SLC35F4: variants seen among roughly 807,000 people sequenced by gnomAD.
The protein encoded by SLC35F4 is solute carrier family 35 member F4.
In SLC35F4, 24 loss-of-function variants were observed where a neutral mutation model predicts 44.2. The ratio of observed to expected loss-of-function variants is 0.54; its 90% CI spans 0.39 to 0.76. The LOEUF (loss-of-function observed/expected upper bound fraction) is 0.76, where lower values mean the gene tolerates loss of function less well. SLC35F4 is among the 30% of genes least tolerant of loss of function. The pLI, the probability that SLC35F4 is intolerant of heterozygous loss-of-function variation, is 0.00. For synonymous variants in SLC35F4, 238 were observed against 223.6 expected (o/e 1.06, Z -0.57); for missense variants, 562 against 586.1 (o/e 0.96, Z 0.42).
chr14:57,974,871 C>T (rs987217531), downstream of SLC35F4, among the ~76,000 whole-genome samples: 2 of 152,180 alleles, frequency 1.3e-5, no homozygotes. Context: ...CATCATTATG[C>T]TTGATGGACC....
At chr14:57,954,664 A>G (rs563774110) in intron 1 of SLC35F4, among the ~76,000 whole-genome samples, 1 of 152,332 alleles carries the variant, frequency 6.6e-6, no homozygotes, top group African/African-American at 2.4e-5. Flanking sequence ...CAAATAAACT[A>G]GAAAATCTAA....
At chr14:57,600,065 A>T (rs2070725434) in intron 1 of SLC35F4, among the ~76,000 whole-genome samples, 1 of 152,186 alleles carries the variant, frequency 6.6e-6, no homozygotes, top group Non-Finnish European at 1.5e-5. Flanking sequence ...TAAAGAAAAG[A>T]CATCCAATAT....
upstream of SLC35F4, among the ~76,000 whole-genome samples, chr14:57,869,173 A>G (rs191517117): frequency 3.0e-4 from 45 of 152,026 alleles, no homozygotes; most frequent in East Asian, 8.0e-3. Context: ...AATTGAGTAT[A>G]CAATTAGGTA....
At chr14:57,786,715 G>A (rs903020826) in intron 1 of SLC35F4, among the ~76,000 whole-genome samples, 1 of 152,150 alleles carries the variant, frequency 6.6e-6, no homozygotes, top group South Asian at 2.1e-4. Flanking sequence ...TAGGAAAACA[G>A]GGAGAGTACT....
intron 1 of SLC35F4, among the ~76,000 whole-genome samples, chr14:57,780,703 A>G (rs1240705746): frequency 6.6e-6 from 1 of 152,170 alleles, no homozygotes; most frequent in Non-Finnish European, 1.5e-5. Context: ...GGATTACAGT[A>G]ACTAAAACAG....
At chr14:57,759,900 T>G (rs1368459796) in intron 1 of SLC35F4, among the ~76,000 whole-genome samples, 1 of 151,562 alleles carries the variant, frequency 6.6e-6, no homozygotes, top group Non-Finnish European at 1.5e-5. Context: ...TTTGTTTGCT[T>G]TTTGCTATCG....
At chr14:57,720,834 T>TCTTTCTC (rs2076066296) in intron 1 of SLC35F4, among the ~76,000 whole-genome samples, 1 of 151,846 alleles carries the variant, frequency 6.6e-6, no homozygotes, top group Non-Finnish European at 1.5e-5. Context: ...CCAGGCTACA[T>TCTTTCTC]CTTTCTCTCA....
chr14:57,655,568 T>C (rs1350102505), intron 1 of SLC35F4, among the ~76,000 whole-genome samples: 1 of 152,052 alleles, frequency 6.6e-6, no homozygotes, highest in East Asian at 1.9e-4. Flanking sequence ...GGGGATGCCA[T>C]TCACAAATGG....
Position 57,660,099 on chromosome 14 carries a change from T to C in SLC35F4, c.104-65975A>G, listed in dbSNP as rs1046901689. ...GATATGTGTTGGTTTGACTTGCATA[T>C]CTATTTGTGAGTGGTTACCAAATAT... On this transcript the variant is annotated intron_variant, in intron 1 of 7. Transcript: ENST00000556826. Among the ~76,000 whole-genome samples, 9 of 152,314 alleles carry C rather than the reference T, an allele frequency of 5.9e-5. No homozygotes were observed. The South Asian group carries it at 1.2e-3, about 21-fold the overall frequency.
At chr14:57,578,852 C>A (rs1226375832) in intron 4 of SLC35F4, 3 of 152,234 alleles carry the variant, frequency 2.0e-5, no homozygotes, top group Non-Finnish European at 4.4e-5. Context: ...GTATTAGTTT[C>A]CTAAGGCTGC....
At chr14:57,586,165 A>G (rs575326102) in intron 3 of SLC35F4, among the ~76,000 whole-genome samples, 1 of 152,336 alleles carries the variant, frequency 6.6e-6, no homozygotes, top group East Asian at 1.9e-4. Flanking sequence ...GGCCTCAGAA[A>G]TAACACCACA....
intron 1 of SLC35F4, among the ~76,000 whole-genome samples, chr14:57,764,232 C>A (rs557864230): frequency 6.6e-6 from 1 of 152,226 alleles, no homozygotes; most frequent in East Asian, 1.9e-4. Flanking sequence ...TGTTTTTAAG[C>A]TGTCAGGCTT....
chr14:57,688,157 T>C (rs949865279), intron 1 of SLC35F4, among the ~76,000 whole-genome samples: 1 of 151,348 alleles, frequency 6.6e-6, no homozygotes, highest in African/African-American at 2.4e-5. Context: ...GGGTTACTAA[T>C]GAGGAAAAGA....
At chr14:57,826,342 C>T (rs1255570900) in intron 1 of SLC35F4, among the ~76,000 whole-genome samples, 2 of 152,132 alleles carry the variant, frequency 1.3e-5, no homozygotes, top group African/African-American at 4.8e-5. Context: ...CCCTTCCTTA[C>T]ACCTTATATA....
At chr14:57,897,436 A>G (rs2141042953) in intron 1 of SLC35F4, among the ~76,000 whole-genome samples, 1 of 152,104 alleles carries the variant, frequency 6.6e-6, no homozygotes, top group South Asian at 2.1e-4. Flanking sequence ...CAAGTACACA[A>G]ACCATCCTTT....
chr14:57,934,299 T>C (rs808227), intron 1 of SLC35F4, among the ~76,000 whole-genome samples: 27,418 of 149,130 alleles, frequency 0.18, 2,718 homozygotes, highest in East Asian at 0.28. Context: ...TAGTGGAGAG[T>C]GGTTAATAAA....
chr14:57,785,599 C>G (rs1021193022), intron 1 of SLC35F4, among the ~76,000 whole-genome samples: 3 of 152,098 alleles, frequency 2.0e-5, no homozygotes, highest in Non-Finnish European at 4.4e-5. Context: ...TGTGAGTGCC[C>G]CAACTGCAGA....
At position 57,650,130 on chromosome 14, in the gene SLC35F4, G is replaced by C. The variant is rs184276043; in HGVS notation, c.104-56006C>G. Among the ~76,000 whole-genome samples, 197 of 152,112 alleles carry C rather than the reference G, an allele frequency of 1.3e-3. 1 individual carries two copies. Among genetic ancestry groups the C allele is most frequent in the Middle Eastern group, 3.4e-3 (1 of 294 alleles). On this transcript the variant is annotated intron_variant, in intron 1 of 7. Coordinates refer to ENST00000556826, the MANE Select transcript of SLC35F4 (RefSeq NM_001306087.2). ...TTATCATTAATGTTGGAGCGCCCGA[G>C]GTCTGGTCCAGGGTCCCTTCTCTAC... is the stretch of plus-strand genomic sequence containing the variant.
intron 1 of SLC35F4, among the ~76,000 whole-genome samples, chr14:57,685,315 G>C (rs772564107): frequency 6.6e-6 from 1 of 152,014 alleles, no homozygotes; most frequent in Non-Finnish European, 1.5e-5. Flanking sequence ...TTAGAGAAAG[G>C]GTAGAGTACT....
Sources: allele counts gnomAD v4.1 joint callset (sites outside exome capture counted in the v4.1 genomes callset), GRCh38; gene constraint gnomAD v4.1.1; transcripts MANE v1.5; gene names NCBI Gene and HGNC (gene_info 2026-07-23, HGNC 2026-07-21).